Variants in JAZF1 observed in about 807,000 individuals in gnomAD.
The protein encoded by JAZF1 is juxtaposed with another zinc finger protein 1.
In JAZF1, 8 loss-of-function variants were observed where a neutral mutation model predicts 26.4. The observed-to-expected ratio is 0.30, with a 90% CI of 0.18 to 0.55. JAZF1 has a LOEUF of 0.55. Among genes scored for constraint, JAZF1 ranks in the 20% least tolerant of loss-of-function variants. JAZF1 has a pLI of 0.94. For synonymous variants in JAZF1, 126 were observed against 122.3 expected, an observed-to-expected ratio of 1.03 and a Z score of -0.20; for missense variants, 199 against 322.0, an observed-to-expected ratio of 0.62 and a Z score of 2.92.
At chr7:27,941,152 A>G (rs1784840605) in intron 2 of JAZF1, among the ~76,000 whole-genome samples, 1 of 152,312 alleles carries the variant, frequency 6.6e-6, no homozygotes, top group African/African-American at 2.4e-5. Flanking sequence ...AGAGATACCA[A>G]AGCTCCTAGA....
At position 28,174,837 on chromosome 7, in the gene JAZF1, T is replaced by G. The variant is rs968132917; in HGVS notation, c.115+5626A>C. ...GGGTGTGTGGGTGTGTGTGTGTGTG[T>G]GTGTGTGTGTGTATGCACATGTATT... On this transcript the variant is annotated intron_variant, in intron 1 of 4. Coordinates refer to ENST00000283928, the MANE Select transcript of JAZF1 (RefSeq NM_175061.4). Among the ~76,000 whole-genome samples, 2 of 121,352 alleles carry G rather than the reference T, an allele frequency of 1.6e-5. 1 individual carries two copies. Among genetic ancestry groups the G allele is most frequent in the Non-Finnish European group, 4.1e-5 (2 of 48,914 alleles). 79.6% of individuals were successfully genotyped at this position (121,352 alleles called of 152,430 possible). A position where few individuals can be genotyped will look rare whatever the true frequency, so the allele number is the denominator to read the frequency against.
rs1032479684 is a variant in JAZF1, at chr7:28,034,504, T to A, written c.116-42523A>T. Among the ~76,000 whole-genome samples the A allele has an allele frequency of 5.8e-3, 330 of 57,316 alleles. 4 individuals are homozygous for A. The highest frequency in any genetic ancestry group is 9.9e-3 in the Non-Finnish European group (217 of 21,854). 37.6% of individuals were successfully genotyped at this position (57,316 alleles called of 152,430 possible). A position where few individuals can be genotyped will look rare whatever the true frequency, so the allele number is the denominator to read the frequency against. On this transcript the variant is annotated intron_variant, in intron 1 of 4. Transcript: ENST00000283928. ...CACACACACACACACACACACACAC[T>A]GATTTATAATTTTTATAATGGAGCA...
chr7:28,108,998 C>T (rs772917217), intron 1 of JAZF1, among the ~76,000 whole-genome samples: 2 of 152,110 alleles, frequency 1.3e-5, no homozygotes, highest in South Asian at 2.1e-4. Context: ...CTAAGAAAGT[C>T]GAACTCATAG....
At chr7:28,015,946 CG>C (rs1243895912) in intron 1 of JAZF1, among the ~76,000 whole-genome samples, 1 of 152,170 alleles carries the variant, frequency 6.6e-6, no homozygotes, top group Non-Finnish European at 1.5e-5. Context: ...ACCACAGGCC[CG>C]GGCATCTCAT....
intron 1 of JAZF1, among the ~76,000 whole-genome samples, chr7:28,153,838 T>A (rs1399837821): frequency 6.6e-6 from 1 of 152,084 alleles, no homozygotes; most frequent in Non-Finnish European, 1.5e-5. Context: ...AATCCATACC[T>A]CTATTAGGGG....
At chr7:28,179,673 G>A (rs1469603059) in intron 1 of JAZF1, among the ~76,000 whole-genome samples, 1 of 148,708 alleles carries the variant, frequency 6.7e-6, no homozygotes, top group African/African-American at 2.4e-5. Context: ...CAGCGCCCGG[G>A]CGTCCGCGCC....
chr7:27,917,925 A>T (rs1366879983), intron 2 of JAZF1, among the ~76,000 whole-genome samples: 2 of 152,202 alleles, frequency 1.3e-5, no homozygotes, highest in Non-Finnish European at 1.5e-5. Flanking sequence ...TTTGGGCCAC[A>T]TGATGGTACT....
chr7:28,136,554 G>A (rs562322615), intron 1 of JAZF1, among the ~76,000 whole-genome samples: 2 of 152,310 alleles, frequency 1.3e-5, no homozygotes, highest in South Asian at 2.1e-4. Flanking sequence ...GGCTGCCTTC[G>A]GCACTGAGTT....
At chr7:28,033,343 G>C (rs192382677) in intron 1 of JAZF1, among the ~76,000 whole-genome samples, 2 of 152,318 alleles carry the variant, frequency 1.3e-5, no homozygotes, top group Admixed American at 1.3e-4. Context: ...CAAGGTGGCA[G>C]AGGACAATGG....
intron 2 of JAZF1, among the ~76,000 whole-genome samples, chr7:27,931,541 G>A (rs185809010): frequency 4.6e-5 from 7 of 152,310 alleles, no homozygotes; most frequent in South Asian, 2.1e-4. Flanking sequence ...GAGGCTGGGC[G>A]TGGTGGCTCA....
In JAZF1 at chr7:28,102,598, GA is replaced by G. The variant is rs60642981; in HGVS notation, c.115+77864del. On this transcript the variant is annotated intron_variant, in intron 1 of 4. Coordinates refer to ENST00000283928, the MANE Select transcript of JAZF1 (RefSeq NM_175061.4). ...AATATTTAGCACAAATTCATTTTTT[GA>G]AAAAAAATGTCTGCATATGTGGTTG... is the stretch of plus-strand genomic sequence containing the variant. 2.1e-4 allele frequency among the ~76,000 whole-genome samples: 32 copies of G among 151,836 alleles called. 1 individual carries two copies. In the South Asian group the frequency reaches 6.7e-3, roughly 32 times the overall value.
At chr7:27,923,000 T>C (rs1384744518) in intron 2 of JAZF1, among the ~76,000 whole-genome samples, 2 of 152,240 alleles carry the variant, frequency 1.3e-5, no homozygotes, top group Non-Finnish European at 2.9e-5. Flanking sequence ...ACAGGGTCTC[T>C]TTAAGGACCC....
chr7:28,158,844 G>A (rs548581024), intron 1 of JAZF1, among the ~76,000 whole-genome samples: 5 of 152,072 alleles, frequency 3.3e-5, no homozygotes, highest in Non-Finnish European at 5.9e-5. Flanking sequence ...TAATGATGTC[G>A]AGCATTTGAA....
intron 1 of JAZF1, among the ~76,000 whole-genome samples, chr7:28,080,512 A>G (rs1784118256): frequency 6.6e-6 from 1 of 152,202 alleles, no homozygotes; most frequent in Non-Finnish European, 1.5e-5. Flanking sequence ...TTGGCTTTCA[A>G]CATGCCTTCC....
intron 2 of JAZF1, among the ~76,000 whole-genome samples, chr7:27,903,675 G>T (rs781125969): frequency 5.9e-5 from 9 of 152,176 alleles, no homozygotes; most frequent in Non-Finnish European, 1.3e-4. Flanking sequence ...TTCTAGAGTA[G>T]AACAAAATTA....
At chr7:28,134,230 C>A (rs1403682011) in intron 1 of JAZF1, among the ~76,000 whole-genome samples, 3 of 152,156 alleles carry the variant, frequency 2.0e-5, no homozygotes, top group Non-Finnish European at 4.4e-5. Context: ...AAAGGCATAG[C>A]CAATAATCAT....
intron 1 of JAZF1, among the ~76,000 whole-genome samples, chr7:28,138,806 C>T (rs1161149616): frequency 6.6e-6 from 1 of 152,150 alleles, no homozygotes; most frequent in Non-Finnish European, 1.5e-5. Flanking sequence ...GGCTCGGGCC[C>T]CAGACTTACC....
chr7:28,024,942 T>C (rs1783068120), intron 1 of JAZF1, among the ~76,000 whole-genome samples: 1 of 152,234 alleles, frequency 6.6e-6, no homozygotes, highest in Non-Finnish European at 1.5e-5. Flanking sequence ...AATCATAGAC[T>C]GAGGTTCCTT....
chr7:28,178,441 A>G (rs1377826776), intron 1 of JAZF1, among the ~76,000 whole-genome samples: 3 of 152,188 alleles, frequency 2.0e-5, no homozygotes, highest in Admixed American at 2.0e-4. Context: ...TTTATTCTGA[A>G]ATAACTGTTA....
Sources: allele counts gnomAD v4.1 joint callset (sites outside exome capture counted in the v4.1 genomes callset), GRCh38; gene constraint gnomAD v4.1.1; transcripts MANE v1.5; gene names NCBI Gene and HGNC (gene_info 2026-07-23, HGNC 2026-07-21).